The following UMAD1 variants were observed in gnomAD, a reference collection of about 807,000 sequenced individuals.
UMAD1 encodes UBAP1-MVB12-associated (UMA) domain containing 1.
UMAD1 carries 8 observed loss-of-function variants against 6.1 expected under a neutral mutation model. The observed-to-expected ratio is 1.30, with a 90% CI of 0.76 to 2.35. The LOEUF (loss-of-function observed/expected upper bound fraction) is 2.35. Ranked by LOEUF, UMAD1 falls within the 30% of genes most tolerant of loss-of-function variation. The pLI is 0.00. For missense variants in UMAD1, 130 were observed against 78.4 expected, an observed-to-expected ratio of 1.66 and a Z score of -2.49; for synonymous variants, 56 against 31.4, an observed-to-expected ratio of 1.78 and a Z score of -2.61.
Position 7,846,435 on chromosome 7 carries a change from A to T in UMAD1, c.157-30846A>T, listed in dbSNP as rs1200909641. On this transcript the variant is annotated intron_variant, in intron 3 of 3. Coordinates refer to ENST00000682710, the MANE Select transcript of UMAD1 (RefSeq NM_001302348.2). ...TAAAAATTTGTAATTATTACCTGCA[A>T]GAGATATTACAATTCATACAACACT... is the stretch of plus-strand genomic sequence containing the variant. Among the ~76,000 whole-genome samples, 3 of 152,168 alleles carry T rather than the reference A, an allele frequency of 2.0e-5. No individual in the cohort carries two copies. The East Asian group carries it at 5.8e-4, about 29-fold the overall frequency.
Position 7,696,630 on chromosome 7 carries a change from A to G in UMAD1, c.82+23177A>G, listed in dbSNP as rs540935875. Among the ~76,000 whole-genome samples, 8 of 152,270 alleles carry G rather than the reference A, an allele frequency of 5.3e-5. No individual in the cohort carries two copies. The South Asian group carries it at 1.7e-3, about 32-fold the overall frequency. On this transcript the variant is annotated intron_variant, in intron 2 of 3. Transcript: ENST00000682710. ...CGAAGGCTCTTCCTCATTTGTTGCC[A>G]GTAGCTCTCCCTCATACAGAACAAA...
intron 3 of UMAD1, among the ~76,000 whole-genome samples, chr7:7,847,105 ATATATATATATATATATATATATAT>A (rs570701821): frequency 0.025 from 112 of 4,532 alleles, 11 homozygotes; most frequent in Middle Eastern, 0.056. Context: ...AAAAAAAAAA[ATATATATATATATATATATATATAT>A]ATATATATAT....
intron 2 of UMAD1, among the ~76,000 whole-genome samples, chr7:7,793,028 AGGGATC>A (rs1782599782): frequency 6.6e-6 from 1 of 152,166 alleles, no homozygotes; most frequent in Admixed American, 6.5e-5. Flanking sequence ...CGAATTTTGC[AGGGATC>A]GGGGAGGACA....
At chr7:7,681,775 A>G (rs1779920035) in intron 2 of UMAD1, among the ~76,000 whole-genome samples, 1 of 152,144 alleles carries the variant, frequency 6.6e-6, no homozygotes, top group South Asian at 2.1e-4. Context: ...TGACATGTTT[A>G]ATTGTACTTT....
chr7:7,704,484 G>T (rs1031826946), intron 2 of UMAD1, among the ~76,000 whole-genome samples: 1 of 151,446 alleles, frequency 6.6e-6, no homozygotes, highest in African/African-American at 2.4e-5. Context: ...GGCCGGGCGC[G>T]GTGGCTCATG....
chr7:7,786,926 G>A (rs1782472308), intron 2 of UMAD1, among the ~76,000 whole-genome samples: 2 of 152,328 alleles, frequency 1.3e-5, no homozygotes, highest in Middle Eastern at 6.8e-3. Context: ...GCTACTCTTA[G>A]ACAACTTTGC....
intron 2 of UMAD1, among the ~76,000 whole-genome samples, chr7:7,732,645 C>T (rs933542452): frequency 6.6e-6 from 1 of 152,104 alleles, no homozygotes; most frequent in African/African-American, 2.4e-5. Flanking sequence ...CAGCTGCTGC[C>T]GAGTGATTTC....
chr7:7,681,359 C>A (rs1375182730), intron 2 of UMAD1, among the ~76,000 whole-genome samples: 1 of 152,066 alleles, frequency 6.6e-6, no homozygotes, highest in Non-Finnish European at 1.5e-5. Context: ...ACTTGAAATT[C>A]AGGTCTGGGC....
intron 2 of UMAD1, among the ~76,000 whole-genome samples, chr7:7,681,322 C>T (rs1779907575): frequency 6.6e-6 from 1 of 152,160 alleles, no homozygotes; most frequent in South Asian, 2.1e-4. Flanking sequence ...GATGGCATTG[C>T]AGAGTTGATG....
chr7:7,715,290 A>T (rs370815626), intron 2 of UMAD1: 9 of 152,132 alleles, frequency 5.9e-5, no homozygotes, highest in African/African-American at 2.2e-4. Flanking sequence ...TTATGAATAC[A>T]GTTTCATCAA....
At chr7:7,734,842 G>T (rs760031582) in intron 2 of UMAD1, among the ~76,000 whole-genome samples, 5 of 152,002 alleles carry the variant, frequency 3.3e-5, no homozygotes, top group African/African-American at 1.2e-4. Flanking sequence ...ATAAAACAAT[G>T]TGTTTAACCC....
At chr7:7,739,246 C>G (rs1781415590) in intron 2 of UMAD1, among the ~76,000 whole-genome samples, 1 of 152,188 alleles carries the variant, frequency 6.6e-6, no homozygotes, top group African/African-American at 2.4e-5. Flanking sequence ...ACTGCTGCAT[C>G]AGCAGGCATT....
At chr7:7,817,176 C>T (rs911699101) in intron 3 of UMAD1, among the ~76,000 whole-genome samples, 17 of 152,184 alleles carry the variant, frequency 1.1e-4, no homozygotes, top group African/African-American at 4.1e-4. Context: ...GAGCAAATTC[C>T]TGTTCATCCT....
intron 2 of UMAD1, among the ~76,000 whole-genome samples, chr7:7,731,575 G>A (rs897339761): frequency 6.0e-5 from 9 of 150,130 alleles, no homozygotes; most frequent in African/African-American, 2.2e-4. Flanking sequence ...TTATGCCAAA[G>A]ACTCATAGGC....
chr7:7,836,502 G>A (rs184475018), intron 3 of UMAD1, among the ~76,000 whole-genome samples: 1 of 151,986 alleles, frequency 6.6e-6, no homozygotes, highest in Non-Finnish European at 1.5e-5. Flanking sequence ...ATCAAGATAG[G>A]TGTGTCTCAA....
At chr7:7,847,870 C>T (rs929092961) in intron 3 of UMAD1, among the ~76,000 whole-genome samples, 5 of 152,018 alleles carry the variant, frequency 3.3e-5, no homozygotes, top group East Asian at 1.9e-4. Context: ...CTGCAAAAAC[C>T]GAAACCATTA....
intron 3 of UMAD1, among the ~76,000 whole-genome samples, chr7:7,831,991 G>A (rs1248867297): frequency 6.6e-6 from 1 of 152,120 alleles, no homozygotes; most frequent in Non-Finnish European, 1.5e-5. Context: ...AGATGTGTAT[G>A]CAGTTTTTGC....
intron 2 of UMAD1, chr7:7,715,081 T>C (rs907103755): frequency 1.3e-5 from 2 of 152,164 alleles, no homozygotes; most frequent in Admixed American, 6.5e-5. Flanking sequence ...AAATACTTTT[T>C]TTTAGTGTTT....
At chr7:7,674,919 T>A (rs1375500971) in intron 2 of UMAD1, among the ~76,000 whole-genome samples, 1 of 152,120 alleles carries the variant, frequency 6.6e-6, no homozygotes, top group Non-Finnish European at 1.5e-5. Flanking sequence ...TGTTTTCCAC[T>A]CTGTTATATA....
Sources: allele counts gnomAD v4.1 joint callset (sites outside exome capture counted in the v4.1 genomes callset), GRCh38; gene constraint gnomAD v4.1.1; transcripts MANE v1.5; gene names NCBI Gene and HGNC (gene_info 2026-07-23, HGNC 2026-07-21).